The following TCERG1L variants were observed in gnomAD, a reference collection of about 807,000 sequenced individuals.
TCERG1L encodes transcription elongation regulator 1-like protein.
Under a neutral mutation model 56.3 loss-of-function variants are expected in TCERG1L, and 37 were observed. The observed-to-expected ratio is 0.66, with a 90% CI of 0.51 to 0.87. The LOEUF (loss-of-function observed/expected upper bound fraction) is 0.87. Ranked by LOEUF, TCERG1L falls within the 40% of genes least tolerant of loss-of-function variation. TCERG1L has a pLI of 0.00. For synonymous variants in TCERG1L, 324 were observed against 326.3 expected (o/e 0.99, Z 0.08); for missense variants, 799 against 774.2 (o/e 1.03, Z -0.38).
In TCERG1L at chr10:131,163,265, A is replaced by G. The variant is rs1191424904; in HGVS notation, c.946-55T>C. On this transcript the variant is annotated intron_variant, in intron 5 of 11. Transcript: ENST00000368642. ...TTTTAATTTTAAACACTCATCTTCAATTACAAGCAAGGAAGGGAGGAATAA... is the reference window on the plus strand; with the variant it reads ...TTTTAATTTTAAACACTCATCTTCAGTTACAAGCAAGGAAGGGAGGAATAA... 21 of 1,356,538 alleles carry G rather than the reference A, an allele frequency of 1.5e-5. No homozygotes were observed. In the African/African-American group the frequency reaches 2.4e-4, roughly 15 times the overall value. 84.0% of individuals were successfully genotyped at this position (1,356,538 alleles called of 1,614,324 possible).
In TCERG1L at chr10:131,134,407, C is replaced by T; in HGVS notation, c.1231G>A (p.Asp411Asn). ...DGSSSEDNRE[D>N]QDVKTKRNRT... ...TTCCTCTTGGTTTTCACATCTTGGT[C>T]TTCCCTGTTGTCTTCAGAACTGGAC... The change falls in exon 8 of 12, where the codon GAC becomes AAC. Residue 411 changes from aspartate (D) to asparagine (N), a missense_variant. Asp to Asn is a conservative substitution (Grantham distance 23). Transcript: ENST00000368642. 6.3e-7 allele frequency: 1 copy of T among 1,595,232 alleles called. No individual in the cohort carries two copies. The highest frequency in any genetic ancestry group is 1.7e-4 in the Middle Eastern group (1 of 6,044).
intron 4 of TCERG1L, among the ~76,000 whole-genome samples, chr10:131,203,620 T>C (rs1845479102): frequency 1.3e-5 from 2 of 152,270 alleles, no homozygotes; most frequent in South Asian, 4.2e-4. Flanking sequence ...CCGCAAACGA[T>C]TCAGGGACAC....
intron 3 of TCERG1L, among the ~76,000 whole-genome samples, chr10:131,273,346 G>A (rs10829968): frequency 0.27 from 40,971 of 152,056 alleles, 6,190 homozygotes; most frequent in East Asian, 0.51. Flanking sequence ...GGCCTCCTCC[G>A]TGGGTCTGGA....
At chr10:131,291,401 C>CTTTTGTTTTTTT (rs1846622602) in intron 3 of TCERG1L, among the ~76,000 whole-genome samples, 1 of 36,566 alleles carries the variant, frequency 2.7e-5, no homozygotes, top group African/African-American at 1.0e-4. Flanking sequence ...AACAGCATTT[C>CTTTTGTTTTTTT]TTTTTTTTTT....
At chr10:131,131,933 G>A (rs889364107) in intron 8 of TCERG1L, among the ~76,000 whole-genome samples, 4 of 152,190 alleles carry the variant, frequency 2.6e-5, no homozygotes, top group African/African-American at 7.2e-5. Flanking sequence ...CAGATTCTGC[G>A]ACATAGAAAT....
chr10:131,242,489 G>T (rs1338437666), intron 4 of TCERG1L, among the ~76,000 whole-genome samples: 1 of 152,108 alleles, frequency 6.6e-6, no homozygotes, highest in Non-Finnish European at 1.5e-5. Context: ...CAAGGTGCGG[G>T]TTTCACTCTG....
At position 131,146,528 on chromosome 10, in the gene TCERG1L, T is replaced by A. The variant is rs1845796550; in HGVS notation, c.1167A>T (p.Lys389Asn). The stretch of plus-strand genomic sequence containing the variant: ...TACTTGCTGGTGCCTCCAGCTTGCG[T>A]TTGTGGGGCGGGTCCTCAATGATCC... ...LNRIIEDPPH[K>N]RKLEAPATDN... Residue 389 changes from lysine (K) to asparagine (N), a missense_variant, in exon 7 of 12, where the codon AAA (lysine) becomes AAT (asparagine). Physicochemically the swap from Lys to Asn is moderately conservative, Grantham distance 94 (BLOSUM62 0). Transcript: ENST00000368642. 6.2e-7 allele frequency: 1 copy of A among 1,611,298 alleles called. No individual in the cohort carries two copies. The highest frequency in any genetic ancestry group is 1.3e-5 in the African/African-American group (1 of 74,844).
chr10:131,158,669 G>T (rs1427119071), intron 6 of TCERG1L, among the ~76,000 whole-genome samples: 1 of 151,926 alleles, frequency 6.6e-6, no homozygotes, highest in African/African-American at 2.4e-5. Context: ...GAAGGTTGAG[G>T]TCTACACTTA....
intron 4 of TCERG1L, among the ~76,000 whole-genome samples, chr10:131,216,658 T>C (rs1845672397): frequency 6.6e-6 from 1 of 152,206 alleles, no homozygotes; most frequent in Admixed American, 6.5e-5. Flanking sequence ...GGATTAAACA[T>C]AGCTAAGAAA....
intron 4 of TCERG1L, among the ~76,000 whole-genome samples, chr10:131,218,014 G>A (rs2918155): frequency 0.28 from 42,898 of 151,964 alleles, 6,542 homozygotes; most frequent in East Asian, 0.44. Flanking sequence ...GTGAGCCAAC[G>A]CACCCGGCTG....
At chr10:131,225,883 G>A (rs1362149019) in intron 4 of TCERG1L, among the ~76,000 whole-genome samples, 2 of 152,208 alleles carry the variant, frequency 1.3e-5, no homozygotes, top group Non-Finnish European at 2.9e-5. Flanking sequence ...GAAACCACTT[G>A]AAAAATACAC....
chr10:131,156,563 A>G (rs529028189), intron 6 of TCERG1L, among the ~76,000 whole-genome samples: 2 of 152,272 alleles, frequency 1.3e-5, no homozygotes, highest in South Asian at 4.1e-4. Context: ...AGAAAAAGTA[A>G]AAACTAAAAG....
intron 3 of TCERG1L, among the ~76,000 whole-genome samples, chr10:131,273,653 G>A (rs2133555480): frequency 6.6e-6 from 1 of 152,246 alleles, no homozygotes; most frequent in African/African-American, 2.4e-5. Context: ...CAGGGCGGAG[G>A]GCGTCATTTC....
At position 131,178,955 on chromosome 10, in the gene TCERG1L, G is replaced by A. The variant is rs569525457; in HGVS notation, c.857-12070C>T. Reference sequence around the variant, plus strand: ...TACTCATGTATGCTCATCAGTGCTCGTGCGGTCCCTCAGGGACACACTCCT... The same window carrying A: ...TACTCATGTATGCTCATCAGTGCTCATGCGGTCCCTCAGGGACACACTCCT... On this transcript the variant is annotated intron_variant, in intron 4 of 11. Transcript: ENST00000368642. Among the ~76,000 whole-genome samples, 26 of 152,350 alleles carry A rather than the reference G, an allele frequency of 1.7e-4. No individual in the cohort carries two copies. The South Asian group carries it at 2.5e-3, about 15-fold the overall frequency.
intron 11 of TCERG1L, among the ~76,000 whole-genome samples, chr10:131,096,655 C>G (rs1273854224): frequency 6.6e-6 from 1 of 152,204 alleles, no homozygotes; most frequent in East Asian, 1.9e-4. Context: ...AATCCCAGCA[C>G]TTTGGGAGGC....
At chr10:131,182,010 G>T (rs368570307) in intron 4 of TCERG1L, among the ~76,000 whole-genome samples, 1 of 152,214 alleles carries the variant, frequency 6.6e-6, no homozygotes, top group East Asian at 1.9e-4. Context: ...ATAGCACACC[G>T]TGTGTATGTG....
chr10:131,144,905 T>C lies in TCERG1L; in HGVS notation c.1189+1601A>G, dbSNP rs529392163. On this transcript the variant is annotated intron_variant, in intron 7 of 11. Coordinates refer to ENST00000368642, the MANE Select transcript of TCERG1L (RefSeq NM_174937.4). ...GTCCACCCACAGTCCTGGCGAGCCC[T>C]GAGACCGCAGGTGGCCCAGTGGGGG... is the stretch of plus-strand genomic sequence containing the variant. 3.3e-5 allele frequency among the ~76,000 whole-genome samples: 5 copies of C among 152,334 alleles called. No individual in the cohort carries two copies. In the South Asian group the frequency reaches 1.0e-3, roughly 32 times the overall value.
chr10:131,297,369 T>C (rs193062697), intron 3 of TCERG1L, among the ~76,000 whole-genome samples: 2 of 152,330 alleles, frequency 1.3e-5, no homozygotes, highest in East Asian at 1.9e-4. Context: ...ACAGCATTGA[T>C]GGATTTTCTA....
At chr10:131,116,983 T>C (rs1284992864) in intron 8 of TCERG1L, 49 bp from the exon 9 acceptor site, 2 of 1,563,598 alleles carry the variant, frequency 1.3e-6, no homozygotes, top group South Asian at 2.4e-5. Flanking sequence ...GGGACCCAGC[T>C]GGTTTTTATT....
Sources: gnomAD v4.1 joint callset for allele counts (sites outside exome capture counted in the v4.1 genomes callset) on GRCh38, gnomAD v4.1.1 for gene constraint, MANE v1.5 for transcripts, NCBI Gene and HGNC (gene_info 2026-07-23, HGNC 2026-07-21) for gene names.